Variants in DBN1 observed in about 807,000 individuals in gnomAD.
DBN1 encodes drebrin 1, also known as drebrin.
A neutral mutation model predicts 83.5 loss-of-function variants in DBN1; 21 were observed. The ratio of observed to expected loss-of-function variants is 0.25; its 90% CI spans 0.18 to 0.36. The LOEUF is 0.36. Ranked by LOEUF, DBN1 falls within the 10% of genes least tolerant of loss-of-function variation. DBN1 has a pLI of 1.00. For synonymous variants in DBN1, 381 were observed against 384.9 expected (o/e 0.99, Z 0.12); for missense variants, 874 against 935.7 (o/e 0.93, Z 0.86).
intron 9 of DBN1, 22 bp downstream of exon 9, chr5:177,460,622 G>A: frequency 1.2e-6 from 2 of 1,614,120 alleles, no homozygotes; most frequent in Non-Finnish European, 1.7e-6. Flanking sequence ...TGCCTCACCT[G>A]GCTGGTGCCC....
chr5:177,468,403 T>C, intron 2 of DBN1, 183 bp from the exon 3 acceptor site: 1 of 602,616 alleles, frequency 1.7e-6, no homozygotes. Context: ...CACAGGGATG[T>C]AGCTTTGCCT....
At chr5:177,461,497 C>T (rs1433569005) in intron 8 of DBN1, among the ~76,000 whole-genome samples, 1 of 152,176 alleles carries the variant, frequency 6.6e-6, no homozygotes, top group African/African-American at 2.4e-5. Context: ...CACACAGCCC[C>T]TCTCTTCCCT....
At chr5:177,472,086 G>T in intron 1 of DBN1, 1 of 1,591,284 alleles carries the variant, frequency 6.3e-7, no homozygotes, top group Non-Finnish European at 8.5e-7. Context: ...CCGCCTGCCT[G>T]CTGAGCCTGT....
rs201964190 is a variant in DBN1 at position 177,468,102 on chromosome 5, G to C, written c.255+6C>G. 6.0e-5 allele frequency: 96 copies of C among 1,589,808 alleles called. No individual in the cohort carries two copies. The highest frequency in any genetic ancestry group is 5.8e-5 in the Non-Finnish European group (67 of 1,160,788). On this transcript the variant is annotated splice_donor_region_variant and intron_variant, in intron 3 of 14. Coordinates refer to ENST00000393565, the MANE Select transcript of DBN1 (RefSeq NM_001363541.2). ...TCAGCCCCCTTCCCCAGCCCCGGCCGCATACCCAGTTGATGAGCACGTATT... is the reference window on the plus strand; with the variant it reads ...TCAGCCCCCTTCCCCAGCCCCGGCCCCATACCCAGTTGATGAGCACGTATT...
intron 8 of DBN1, among the ~76,000 whole-genome samples, chr5:177,464,838 G>A (rs1757312756): frequency 6.6e-6 from 1 of 151,498 alleles, no homozygotes; most frequent in South Asian, 2.1e-4. Context: ...TACTTGGGAG[G>A]CTGAGGCAGG....
Position 177,458,489 on chromosome 5 carries a change from C to T in DBN1, c.1483G>A (p.Ala495Thr), listed in dbSNP as rs1254100960. 1.2e-6 allele frequency: 2 copies of T among 1,613,780 alleles called. No individual in the cohort carries two copies. The highest frequency in any genetic ancestry group is 2.2e-5 in the South Asian group (2 of 91,084). ...ATADATEIHD[A>T]ADTIETDTAT... ...GTGTCAGTTTCAATGGTGTCAGCTG[C>T]ATCGTGGATCTCCGTGGCGTCAGCT... Residue 495 changes from alanine (A) to threonine (T), a missense_variant, in exon 13 of 15, where the codon GCA becomes ACA. Transcript: ENST00000393565.
chr5:177,471,924 G>A (rs1397605274), intron 1 of DBN1, among the ~76,000 whole-genome samples: 4 of 152,002 alleles, frequency 2.6e-5, no homozygotes, highest in African/African-American at 7.2e-5. Flanking sequence ...CCAGGCTGGA[G>A]GGCAAAGGAG....
intron 1 of DBN1, among the ~76,000 whole-genome samples, chr5:177,471,519 C>A (rs1326887926): frequency 6.6e-6 from 1 of 152,140 alleles, no homozygotes; most frequent in Admixed American, 6.5e-5. Flanking sequence ...CAAGACACCC[C>A]TCCCTCTGGA....
rs966436532 is a variant in DBN1, at chr5:177,472,813, A to T, written c.86+623T>A. The T allele has an allele frequency of 1.3e-5, 13 of 985,772 alleles. No individual in the cohort carries two copies. In the African/African-American group the frequency reaches 2.1e-4, roughly 16 times the overall value. The allele number at this position is 985,772 out of a possible 1,614,324, so 61.1% of individuals were successfully genotyped here. ...CGCGACCCGCGGCGGTAAGGGAGTC[A>T]CTTCGCGGTCGCCATGTGGCAGCAA... On this transcript the variant is annotated intron_variant, in intron 1 of 14. Coordinates refer to ENST00000393565, the MANE Select transcript of DBN1 (RefSeq NM_001363541.2).
rs1302993892 is a variant in DBN1, at chr5:177,473,509, T to C, written c.13A>G (p.Ser5Gly). Reference sequence around the variant, plus strand: ...AGCTCCAGGCGGTGGCCGCTGAAGCTGACGCCGGCCATGCTTCGGGCCGGA... The same window carrying C: ...AGCTCCAGGCGGTGGCCGCTGAAGCCGACGCCGGCCATGCTTCGGGCCGGA... MAGV[S>G]FSGHRLELLA... The change falls in exon 1 of 15, where the codon AGC becomes GGC. Residue 5 changes from serine (S) to glycine (G), a missense_variant. This residue lies in a region of DBN1 where 82 missense variants were observed against 101.7 expected (regional missense o/e 0.81). Coordinates refer to ENST00000393565, the MANE Select transcript of DBN1 (RefSeq NM_001363541.2). 2.1e-6 allele frequency: 3 copies of C among 1,427,812 alleles called. No individual in the cohort carries two copies. Among genetic ancestry groups the C allele is most frequent in the Non-Finnish European group, 2.8e-6 (3 of 1,082,860 alleles). The allele number at this position is 1,427,812 out of a possible 1,614,324, so 88.4% of individuals were successfully genotyped here.
intron 8 of DBN1, among the ~76,000 whole-genome samples, chr5:177,463,043 CTT>C (rs1011357572): frequency 1.4e-5 from 2 of 145,376 alleles, no homozygotes. Flanking sequence ...ACCACAAAGG[CTT>C]TTTTTTTTTT....
In DBN1 at chr5:177,468,878, A is replaced by G; in HGVS notation, c.108T>C (p.Asp36=). The change falls in exon 2 of 15, where the codon GAT becomes GAC. Residue 36 remains aspartate, a synonymous_variant. Coordinates refer to ENST00000393565, the MANE Select transcript of DBN1 (RefSeq NM_001363541.2). ...CTGCAAGCTTGAGGTCATCGGAGCC[A>G]TCTTCATATGTGTACAGAGCCCTGG... ...AADWALYTYE[D]GSDDLKLAAS... The G allele has an allele frequency of 7.6e-7, 1 of 1,320,776 alleles. No homozygotes were observed. The highest frequency in any genetic ancestry group is 9.7e-7 in the Non-Finnish European group (1 of 1,026,122). The allele number at this position is 1,320,776 out of a possible 1,614,324, so 81.8% of individuals were successfully genotyped here.
At chr5:177,458,972 T>C (rs1051400683) in intron 12 of DBN1, 126 bp downstream of exon 12, 143 of 1,475,492 alleles carry the variant, frequency 9.7e-5, no homozygotes, top group Non-Finnish European at 1.2e-4. Context: ...CACAGCCGCC[T>C]CCAGGGCAGT....
In DBN1 at chr5:177,459,884, A is replaced by T; in HGVS notation, c.956-144T>A. 3 of 924,096 alleles carry T rather than the reference A, an allele frequency of 3.2e-6. No individual in the cohort carries two copies. The South Asian group carries it at 6.1e-5, about 19-fold the overall frequency. The allele number at this position is 924,096 out of a possible 1,614,324, so 57.2% of individuals were successfully genotyped here. On this transcript the variant is annotated intron_variant, in intron 10 of 14. Coordinates refer to ENST00000393565, the MANE Select transcript of DBN1 (RefSeq NM_001363541.2). ...AGCCAGGGGCACAATCAGCCAAGCC[A>T]GCCGCAGCCTCACACCAGCCCCAGA... is the stretch of plus-strand genomic sequence containing the variant.
At chr5:177,463,677 G>A (rs1008192802) in intron 8 of DBN1, among the ~76,000 whole-genome samples, 2 of 152,210 alleles carry the variant, frequency 1.3e-5, no homozygotes, top group Non-Finnish European at 2.9e-5. Context: ...TCACTCTCAC[G>A]TGAACTATAC....
At position 177,457,721 on chromosome 5, in the gene DBN1, C is replaced by A; in HGVS notation, c.1951G>T (p.Glu651Ter). 2 of 1,612,322 alleles carry A rather than the reference C, an allele frequency of 1.2e-6. No homozygotes were observed. Among genetic ancestry groups the A allele is most frequent in the Non-Finnish European group, 1.7e-6 (2 of 1,178,434 alleles). The change falls in exon 14 of 15, where the codon GAG becomes TAG. Residue 651 changes from glutamate (E) to a stop codon, truncating the protein, a stop_gained. Transcript: ENST00000393565. LOFTEE classifies it high-confidence loss of function. ...EGYFSQSQEE[E>*]FAQSEELCAK... Reference sequence around the variant, plus strand: ...CAGAGCTCTTCCGATTGGGCAAACTCCTCCTCCTGTGATTGACTGAAGTAC... The same window carrying A: ...CAGAGCTCTTCCGATTGGGCAAACTACTCCTCCTGTGATTGACTGAAGTAC...
chr5:177,460,224 T>C (rs1756915867), intron 10 of DBN1, among the ~76,000 whole-genome samples: 1 of 152,192 alleles, frequency 6.6e-6, no homozygotes, highest in Admixed American at 6.5e-5. Context: ...CACTCCCCAC[T>C]GTTCAGCCAC....
chr5:177,471,206 C>A (rs1248365109), intron 1 of DBN1, among the ~76,000 whole-genome samples: 2 of 151,972 alleles, frequency 1.3e-5, no homozygotes, highest in Non-Finnish European at 2.9e-5. Context: ...GCAGGTGGAC[C>A]CCGCAGGACC....
Position 177,467,627 on chromosome 5 carries a change from C to A in DBN1, c.331G>T (p.Gly111Cys). 6.4e-7 allele frequency: 1 copy of A among 1,572,530 alleles called. No individual in the cohort carries two copies. Residue 111 changes from glycine (G) to cysteine (C), a missense_variant and splice_region_variant, in exon 5 of 15, where the codon GGT becomes TGT. Physicochemically the swap from Gly to Cys is radical, Grantham distance 159. Around this residue, in one of 4 missense-constraint regions of DBN1, gnomAD observed 65 missense variants for 97.3 expected, o/e 0.67. Coordinates refer to ENST00000393565, the MANE Select transcript of DBN1 (RefSeq NM_001363541.2). The surrounding 1 kb of genome is among the most constrained non-coding windows in gnomAD (Gnocchi z 9.1). ...CTGGCGTTCACGATCACGTCGACAC[C>A]CTTCCGCAAGAAGACGGCAGTGCTC... The part of the protein sequence containing the change: ...HVAKVAEFFQ[G>C]VDVIVNASSV...
Sources: allele counts gnomAD v4.1 joint callset (sites outside exome capture counted in the v4.1 genomes callset), GRCh38; gene constraint gnomAD v4.1.1; regional missense constraint gnomAD v4.1.1; non-coding constraint Gnocchi (gnomAD v3.1); transcripts MANE v1.5; gene names NCBI Gene and HGNC (gene_info 2026-07-23, HGNC 2026-07-21).